The following CNTNAP2 variants were observed in gnomAD, a reference collection of about 807,000 sequenced individuals.
CNTNAP2 encodes the protein contactin-associated protein-like 2.
Under a neutral mutation model 155.2 loss-of-function variants are expected in CNTNAP2, and 98 were observed. That is an observed-to-expected ratio of 0.63 (90% CI 0.54 to 0.75). The LOEUF (loss-of-function observed/expected upper bound fraction) is 0.75. Ranked by LOEUF, CNTNAP2 falls within the 30% of genes least tolerant of loss-of-function variation. The probability of loss-of-function intolerance (pLI) is 0.00; values close to 1 mark genes in which losing one functional copy is unlikely to be tolerated. For synonymous variants in CNTNAP2, 651 were observed against 631.2 expected, an observed-to-expected ratio of 1.03 and a Z score of -0.47; for missense variants, 1,727 against 1,688.1, an observed-to-expected ratio of 1.02 and a Z score of -0.40.
chr7:147,240,677 G>A (rs1166891857), intron 8 of CNTNAP2, among the ~76,000 whole-genome samples: 1 of 152,154 alleles, frequency 6.6e-6, no homozygotes, highest in South Asian at 2.1e-4. Flanking sequence ...CAGTTACGGA[G>A]CCCACAGCAC....
intron 8 of CNTNAP2, among the ~76,000 whole-genome samples, chr7:147,244,366 T>TAGTA (rs1303467149): frequency 6.6e-6 from 1 of 152,230 alleles, no homozygotes; most frequent in East Asian, 1.9e-4. Context: ...GGAGTAGACT[T>TAGTA]TACTAAGCAC....
chr7:146,709,787 G>T (rs1801032168), intron 1 of CNTNAP2, among the ~76,000 whole-genome samples: 1 of 152,094 alleles, frequency 6.6e-6, no homozygotes, highest in African/African-American at 2.4e-5. Context: ...CTGGGTGTGG[G>T]GTGTATCTTG....
At chr7:147,042,892 A>G (rs921070464) in intron 3 of CNTNAP2, among the ~76,000 whole-genome samples, 4 of 152,148 alleles carry the variant, frequency 2.6e-5, no homozygotes, top group African/African-American at 9.7e-5. Context: ...ATTTAAATAA[A>G]TCGAAAAGAG....
At chr7:147,594,391 G>C (rs1423546985) in intron 12 of CNTNAP2, among the ~76,000 whole-genome samples, 6 of 152,066 alleles carry the variant, frequency 3.9e-5, no homozygotes, top group Non-Finnish European at 7.4e-5. Flanking sequence ...CAGTCCTCTG[G>C]CTGTCATAAC....
At chr7:147,605,891 C>T (rs989598961) in intron 12 of CNTNAP2, among the ~76,000 whole-genome samples, 14 of 150,960 alleles carry the variant, frequency 9.3e-5, no homozygotes, top group Non-Finnish European at 1.9e-4. Context: ...CTCTTCCCTT[C>T]TCTCTCTCTC....
At chr7:148,299,826 G>A (rs1797352059) in intron 21 of CNTNAP2, among the ~76,000 whole-genome samples, 1 of 152,194 alleles carries the variant, frequency 6.6e-6, no homozygotes, top group African/African-American at 2.4e-5. Context: ...AAATCACTGT[G>A]AGCAACTGGC....
chr7:146,773,253 A>C (rs146268252), intron 1 of CNTNAP2, among the ~76,000 whole-genome samples: 1 of 152,368 alleles, frequency 6.6e-6, no homozygotes, highest in East Asian at 1.9e-4. Flanking sequence ...CCAAGTGCAG[A>C]AAGTGTTACA....
At chr7:146,870,683 A>G (rs758049444) in intron 3 of CNTNAP2, among the ~76,000 whole-genome samples, 12 of 152,188 alleles carry the variant, frequency 7.9e-5, no homozygotes, top group Non-Finnish European at 1.2e-4. Flanking sequence ...ATGTTCTACA[A>G]TCATAACTTT....
chr7:147,548,100 T>C (rs1400834805), intron 11 of CNTNAP2, among the ~76,000 whole-genome samples: 1 of 152,220 alleles, frequency 6.6e-6, no homozygotes, highest in Non-Finnish European at 1.5e-5. Context: ...GAATGATTTA[T>C]AATACTTTGG....
chr7:147,481,018 A>G (rs1158340939), intron 10 of CNTNAP2, among the ~76,000 whole-genome samples: 2 of 152,184 alleles, frequency 1.3e-5, no homozygotes, highest in Non-Finnish European at 2.9e-5. Context: ...TACACACGGC[A>G]CTGTTCATTG....
chr7:146,641,590 A>G (rs552781657), intron 1 of CNTNAP2, among the ~76,000 whole-genome samples: 9 of 151,544 alleles, frequency 5.9e-5, no homozygotes, highest in Middle Eastern at 3.4e-3. Flanking sequence ...AGCTCTTTCT[A>G]CTCTTTAATC....
At chr7:146,418,126 A>G (rs961626231) in intron 1 of CNTNAP2, among the ~76,000 whole-genome samples, 1 of 150,596 alleles carries the variant, frequency 6.6e-6, no homozygotes, top group African/African-American at 2.5e-5. Context: ...TCTGTGAAAG[A>G]GAAGAAGAAG....
rs370906468 is a variant in CNTNAP2 at position 147,388,893 on chromosome 7, C to A, written c.1499-6716C>A. 2.6e-5 allele frequency among the ~76,000 whole-genome samples: 4 copies of A among 152,000 alleles called. No individual in the cohort carries two copies. In the South Asian group the frequency reaches 8.3e-4, roughly 32 times the overall value. On this transcript the variant is annotated intron_variant, in intron 9 of 23. Coordinates refer to ENST00000361727, the MANE Select transcript of CNTNAP2 (RefSeq NM_014141.6). ...TCTTTCTTATGTTTCATATGTGTACCCTCTTTCTTTGACGTTGGGAATTTG... is the reference window on the plus strand; with the variant it reads ...TCTTTCTTATGTTTCATATGTGTACACTCTTTCTTTGACGTTGGGAATTTG...
At chr7:147,664,752 T>A (rs1795668515) in intron 13 of CNTNAP2, among the ~76,000 whole-genome samples, 2 of 152,290 alleles carry the variant, frequency 1.3e-5, no homozygotes, top group South Asian at 4.1e-4. Flanking sequence ...TCTTTCATGG[T>A]CTGGCCCTGC....
intron 16 of CNTNAP2, among the ~76,000 whole-genome samples, chr7:148,125,797 G>C (rs2116621079): frequency 6.6e-6 from 1 of 151,746 alleles, no homozygotes; most frequent in Admixed American, 6.6e-5. Flanking sequence ...TGCCTCCCGG[G>C]TTCAAGTGAT....
At chr7:146,750,888 A>C (rs1801891648) in intron 1 of CNTNAP2, among the ~76,000 whole-genome samples, 1 of 152,220 alleles carries the variant, frequency 6.6e-6, no homozygotes, top group Non-Finnish European at 1.5e-5. Context: ...TTAATTGCTT[A>C]GTCCAGCTTC....
chr7:147,085,837 G>C (rs541074202), intron 4 of CNTNAP2: 32 of 152,294 alleles, frequency 2.1e-4, no homozygotes, highest in African/African-American at 7.0e-4. Flanking sequence ...TGATACAAAT[G>C]ATTGATAGCA....
At chr7:146,911,127 A>C (rs2129216960) in intron 3 of CNTNAP2, among the ~76,000 whole-genome samples, 1 of 152,200 alleles carries the variant, frequency 6.6e-6, no homozygotes, top group Middle Eastern at 3.4e-3. Context: ...CACCAGTTAG[A>C]ATGGCAATCA....
chr7:146,457,888 T>G (rs1443524574), intron 1 of CNTNAP2, among the ~76,000 whole-genome samples: 1 of 152,196 alleles, frequency 6.6e-6, no homozygotes, highest in Non-Finnish European at 1.5e-5. Context: ...CAAAAATTAT[T>G]TTTAAAAAGC....
Sources: allele counts gnomAD v4.1 joint callset (sites outside exome capture counted in the v4.1 genomes callset), GRCh38; gene constraint gnomAD v4.1.1; transcripts MANE v1.5; gene names NCBI Gene and HGNC (gene_info 2026-07-23, HGNC 2026-07-21).